FANCC: variants seen among roughly 807,000 people sequenced by gnomAD.
The protein encoded by FANCC is FA complementation group C.
FANCC carries 55 observed loss-of-function variants against 71.3 expected under a neutral mutation model. The ratio of observed to expected loss-of-function variants is 0.77; its 90% confidence interval spans 0.62 to 0.97. FANCC has a LOEUF of 0.97. Among genes scored for constraint, FANCC ranks in the 50% least tolerant of loss-of-function variants. The pLI is 0.00. For missense variants in FANCC, 678 were observed against 670.9 expected (o/e 1.01, Z -0.12); for synonymous variants, 275 against 244.9 (o/e 1.12, Z -1.15).
chr9:95,243,622 A>G (rs1338427586), intron 3 of FANCC, among the ~76,000 whole-genome samples: 9 of 150,610 alleles, frequency 6.0e-5, no homozygotes, highest in Non-Finnish European at 7.4e-5. Context: ...ATCTCTACTA[A>G]AAATACAAAA....
chr9:95,271,673 G>T (rs780994359), intron 1 of FANCC, among the ~76,000 whole-genome samples: 8 of 151,958 alleles, frequency 5.3e-5, no homozygotes, highest in Non-Finnish European at 1.2e-4. Flanking sequence ...CTGCAAGGAG[G>T]TGTATGAATT....
intron 8 of FANCC, among the ~76,000 whole-genome samples, chr9:95,128,189 C>A (rs1001357011): frequency 1.3e-5 from 2 of 151,880 alleles, no homozygotes; most frequent in African/African-American, 4.8e-5. Flanking sequence ...GATATAAGCA[C>A]GGAAAATATA....
At chr9:95,132,325 G>C (rs1044029695) in intron 8 of FANCC, among the ~76,000 whole-genome samples, 1 of 152,176 alleles carries the variant, frequency 6.6e-6, no homozygotes, top group African/African-American at 2.4e-5. Flanking sequence ...ATTGTAACTG[G>C]AAAACATAAC....
chr9:95,106,231 C>T (rs1052279621), intron 14 of FANCC, among the ~76,000 whole-genome samples: 4 of 152,214 alleles, frequency 2.6e-5, no homozygotes, highest in East Asian at 3.8e-4. Flanking sequence ...GAGCATCTCC[C>T]CACATGCCTA....
At chr9:95,288,991 C>A (rs1339171567) in intron 1 of FANCC, among the ~76,000 whole-genome samples, 2 of 151,942 alleles carry the variant, frequency 1.3e-5, no homozygotes, top group African/African-American at 4.8e-5. Context: ...GTCCTAGCTG[C>A]TTGGGAGGCT....
At chr9:95,120,763 G>A (rs1336006531) in intron 10 of FANCC, among the ~76,000 whole-genome samples, 1 of 152,058 alleles carries the variant, frequency 6.6e-6, no homozygotes, top group East Asian at 1.9e-4. Context: ...TGACGTTTCT[G>A]CCTTTTTATT....
At chr9:95,291,080 T>C (rs1240280411) in intron 1 of FANCC, among the ~76,000 whole-genome samples, 2 of 152,112 alleles carry the variant, frequency 1.3e-5, no homozygotes, top group Non-Finnish European at 2.9e-5. Flanking sequence ...GGAATGTACA[T>C]CAACACAAGG....
At chr9:95,187,860 G>A (rs1826827934) in intron 4 of FANCC, among the ~76,000 whole-genome samples, 1 of 152,090 alleles carries the variant, frequency 6.6e-6, no homozygotes. Flanking sequence ...ACCGTGTGTG[G>A]TGAGATTACT....
intron 1 of FANCC, among the ~76,000 whole-genome samples, chr9:95,286,250 T>C (rs1226100739): frequency 6.6e-6 from 1 of 152,248 alleles, no homozygotes. Flanking sequence ...AATCATGTAT[T>C]ATTTTTGTAA....
chr9:95,193,741 C>T (rs908567661), intron 4 of FANCC, among the ~76,000 whole-genome samples: 6 of 152,082 alleles, frequency 3.9e-5, no homozygotes, highest in African/African-American at 1.2e-4. Context: ...ATTGCAAGGG[C>T]GGCAATGGCA....
intron 3 of FANCC, among the ~76,000 whole-genome samples, chr9:95,244,829 C>T (rs895051983): frequency 3.3e-5 from 5 of 150,118 alleles, no homozygotes; most frequent in Admixed American, 2.0e-4. Flanking sequence ...AGGGACAGAA[C>T]ATTACAGAAG....
chr9:95,254,767 C>T (rs1831558626), intron 1 of FANCC, among the ~76,000 whole-genome samples: 1 of 152,134 alleles, frequency 6.6e-6, no homozygotes, highest in Non-Finnish European at 1.5e-5. Context: ...AGCCAGGGAG[C>T]CAAGTGGTCT....
chr9:95,111,299 C>T, intron 13 of FANCC, 164 bp downstream of exon 13: 1 of 1,583,138 alleles, frequency 6.3e-7, no homozygotes, highest in Non-Finnish European at 8.5e-7. Context: ...CCTCTGACCA[C>T]AAGGCTGGAG....
At chr9:95,242,496 A>G (rs952845310) in intron 3 of FANCC, among the ~76,000 whole-genome samples, 4 of 151,638 alleles carry the variant, frequency 2.6e-5, no homozygotes, top group Non-Finnish European at 4.4e-5. Context: ...AAAAAAAAAA[A>G]AAAAGAAAGG....
intron 6 of FANCC, among the ~76,000 whole-genome samples, chr9:95,165,262 T>G (rs1744400357): frequency 6.6e-6 from 1 of 151,944 alleles, no homozygotes; most frequent in East Asian, 1.9e-4. Flanking sequence ...ATTTCTGTTC[T>G]AATCTTTATT....
At chr9:95,225,136 C>T (rs1288631609) in intron 4 of FANCC, among the ~76,000 whole-genome samples, 1 of 152,112 alleles carries the variant, frequency 6.6e-6, no homozygotes, top group African/African-American at 2.4e-5. Context: ...GGGATGTCAG[C>T]CCCCTAAAGA....
intron 5 of FANCC, 81 bp downstream of exon 5, chr9:95,171,956 T>C: frequency 2.2e-6 from 2 of 890,312 alleles, no homozygotes; most frequent in Non-Finnish European, 3.7e-6. Flanking sequence ...TCTGGAGGAC[T>C]GAAATATTTC....
rs148014204 is a variant in FANCC, at chr9:95,162,277, T to C, written c.521+8802A>G. ...TAAGTTTCATCCACACTGTAGCATA[T>C]GACAGGACTTCCTTCTTTTCTAAGG... On this transcript the variant is annotated intron_variant, in intron 6 of 14. Transcript: ENST00000289081. Among the ~76,000 whole-genome samples the C allele has an allele frequency of 3.1e-3, 476 of 152,366 alleles. 4 individuals carry two copies. Among genetic ancestry groups the C allele is most frequent in the Non-Finnish European group, 4.6e-3 (310 of 68,038 alleles).
chr9:95,309,708 T>A (rs10993509), intron 1 of FANCC, among the ~76,000 whole-genome samples: 6,364 of 152,242 alleles, frequency 0.042, 282 homozygotes, highest in East Asian at 0.11. Context: ...TTCATCAAGA[T>A]AGGCTAAGTT....
Sources: gnomAD v4.1 joint callset for allele counts (sites outside exome capture counted in the v4.1 genomes callset) on GRCh38, gnomAD v4.1.1 for gene constraint, MANE v1.5 for transcripts, NCBI Gene and HGNC (gene_info 2026-07-23, HGNC 2026-07-21) for gene names.